Variants in LRFN5 observed in about 807,000 individuals in gnomAD.
The protein encoded by LRFN5 is leucine rich repeat and fibronectin type III domain containing 5, also known as leucine-rich repeat and fibronectin type-III domain-containing protein 5.
Under a neutral mutation model 45.6 loss-of-function variants are expected in LRFN5, and 24 were observed. The ratio of observed to expected loss-of-function variants is 0.53; its 90% confidence interval spans 0.38 to 0.74. LRFN5 has a LOEUF of 0.74. LRFN5 is among the 30% of genes least tolerant of loss of function. The pLI is 0.00. For synonymous variants in LRFN5, 340 were observed against 313.8 expected (o/e 1.08, Z -0.88); for missense variants, 776 against 861.5 (o/e 0.90, Z 1.24).
At chr14:41,698,796 A>G (rs1436881332) in intron 1 of LRFN5, among the ~76,000 whole-genome samples, 5 of 147,496 alleles carry the variant, frequency 3.4e-5, no homozygotes, top group Admixed American at 3.4e-4. Context: ...AAATTATGTG[A>G]TTTTTCTGTC....
intron 1 of LRFN5, among the ~76,000 whole-genome samples, chr14:41,706,593 C>T (rs1217157586): frequency 3.3e-5 from 5 of 152,148 alleles, no homozygotes; most frequent in African/African-American, 9.7e-5. Flanking sequence ...TGTCTTCTCA[C>T]TCAGGCCATC....
chr14:41,618,781 A>G (rs1888009131), intron 1 of LRFN5, among the ~76,000 whole-genome samples: 1 of 152,220 alleles, frequency 6.6e-6, no homozygotes, highest in Non-Finnish European at 1.5e-5. Context: ...CTCTCTTTTT[A>G]AAAAATATTT....
At chr14:41,759,317 C>T (rs1465328067) in intron 1 of LRFN5, among the ~76,000 whole-genome samples, 1 of 152,088 alleles carries the variant, frequency 6.6e-6, no homozygotes, top group Non-Finnish European at 1.5e-5. Flanking sequence ...TCTCTCTTAA[C>T]TATCTATGAA....
At chr14:41,806,003 C>T (rs755465188) in intron 2 of LRFN5, among the ~76,000 whole-genome samples, 3 of 152,130 alleles carry the variant, frequency 2.0e-5, no homozygotes, top group Admixed American at 6.5e-5. Context: ...AAATTTCCCC[C>T]ACAAAAGACA....
chr14:41,839,674 G>A (rs1169857372), intron 2 of LRFN5, among the ~76,000 whole-genome samples: 2 of 152,112 alleles, frequency 1.3e-5, no homozygotes. Context: ...TAAAATTTGT[G>A]AGAAAGACAG....
intron 4 of LRFN5, among the ~76,000 whole-genome samples, chr14:41,895,275 T>C (rs970380093): frequency 6.6e-6 from 1 of 152,224 alleles, no homozygotes; most frequent in East Asian, 1.9e-4. Context: ...ATGGATATTA[T>C]TTATGTTAGT....
chr14:41,652,025 G>C (rs537534512), intron 1 of LRFN5, among the ~76,000 whole-genome samples: 125 of 152,088 alleles, frequency 8.2e-4, no homozygotes, highest in African/African-American at 2.9e-3. Context: ...TCTCTTTAAA[G>C]ACCCCATTTC....
At chr14:41,877,433 T>G (rs1035672492) in intron 2 of LRFN5, among the ~76,000 whole-genome samples, 2 of 152,166 alleles carry the variant, frequency 1.3e-5, no homozygotes, top group Non-Finnish European at 2.9e-5. Context: ...AGAGAAGGCA[T>G]GATCATGACA....
chr14:41,864,706 C>T (rs1486643703), intron 2 of LRFN5, among the ~76,000 whole-genome samples: 6 of 152,058 alleles, frequency 3.9e-5, no homozygotes, highest in Non-Finnish European at 5.9e-5. Flanking sequence ...GGGTAGATAG[C>T]CCATCTATAT....
chr14:41,886,343 G>T (rs547110355), intron 2 of LRFN5, among the ~76,000 whole-genome samples: 2 of 151,990 alleles, frequency 1.3e-5, no homozygotes, highest in Admixed American at 1.3e-4. Flanking sequence ...AAAAAATGGC[G>T]CTTAATTTGC....
intron 2 of LRFN5, among the ~76,000 whole-genome samples, chr14:41,838,521 A>G (rs1458262284): frequency 2.6e-5 from 4 of 152,230 alleles, no homozygotes; most frequent in African/African-American, 7.2e-5. Flanking sequence ...TTAAGCAGAC[A>G]TAAGAAGAGT....
intron 2 of LRFN5, among the ~76,000 whole-genome samples, chr14:41,857,694 A>C (rs148090223): frequency 6.6e-6 from 1 of 152,218 alleles, no homozygotes; most frequent in Non-Finnish European, 1.5e-5. Flanking sequence ...TCATCACACA[A>C]TTTGGAGACA....
chr14:41,846,720 A>G (rs1482080137), intron 2 of LRFN5, among the ~76,000 whole-genome samples: 1 of 152,160 alleles, frequency 6.6e-6, no homozygotes, highest in East Asian at 1.9e-4. Flanking sequence ...GGTGTGAGCA[A>G]TGCTGTGTTC....
intron 1 of LRFN5, among the ~76,000 whole-genome samples, chr14:41,636,675 G>T (rs1447588410): frequency 6.6e-6 from 1 of 152,076 alleles, no homozygotes; most frequent in Admixed American, 6.6e-5. Flanking sequence ...TGTGGAGCAG[G>T]TTTACTGTGC....
chr14:41,673,413 C>T (rs1423766718), intron 1 of LRFN5, among the ~76,000 whole-genome samples: 1 of 144,256 alleles, frequency 6.9e-6, no homozygotes, highest in Non-Finnish European at 1.5e-5. Flanking sequence ...CCCCACCTCA[C>T]TGCCGGACCG....
chr14:41,787,198 C>T (rs1016078089), intron 2 of LRFN5, among the ~76,000 whole-genome samples: 42 of 152,092 alleles, frequency 2.8e-4, no homozygotes, highest in African/African-American at 8.7e-4. Flanking sequence ...GGATACCAGA[C>T]ATAATGAATT....
chr14:41,609,524 G>A (rs754456253), intron 1 of LRFN5, among the ~76,000 whole-genome samples: 2 of 152,010 alleles, frequency 1.3e-5, no homozygotes, highest in African/African-American at 2.4e-5. Flanking sequence ...TTACCCTGGC[G>A]CCTTTTTTTC....
intron 2 of LRFN5, among the ~76,000 whole-genome samples, chr14:41,801,226 A>T (rs889601196): frequency 1.3e-5 from 2 of 152,110 alleles, no homozygotes; most frequent in Admixed American, 1.3e-4. Flanking sequence ...CCATATCTGC[A>T]TATAAAAAAT....
chr14:41,763,125 A>G (rs1885738156), intron 1 of LRFN5, among the ~76,000 whole-genome samples: 1 of 152,212 alleles, frequency 6.6e-6, no homozygotes, highest in Non-Finnish European at 1.5e-5. Flanking sequence ...TTCTAAGGGT[A>G]ACAAAACTGT....
Sources: allele counts gnomAD v4.1 joint callset (sites outside exome capture counted in the v4.1 genomes callset), GRCh38; gene constraint gnomAD v4.1.1; transcripts MANE v1.5; gene names NCBI Gene and HGNC (gene_info 2026-07-23, HGNC 2026-07-21).